Variants in PDE8A observed in about 807,000 individuals in gnomAD.
PDE8A encodes the protein high affinity cAMP-specific and IBMX-insensitive 3',5'-cyclic phosphodiesterase 8A.
Under a neutral mutation model 105.0 loss-of-function variants are expected in PDE8A, and 59 were observed. The observed-to-expected ratio is 0.56, with a 90% confidence interval of 0.46 to 0.70. PDE8A has a LOEUF of 0.70. Among genes scored for constraint, PDE8A ranks in the 30% least tolerant of loss-of-function variants. The probability of loss-of-function intolerance (pLI) is 0.00; values close to 1 mark genes in which losing one functional copy is unlikely to be tolerated. For synonymous variants in PDE8A, 355 were observed against 371.9 expected, an observed-to-expected ratio of 0.95 and a Z score of 0.52; for missense variants, 1,014 against 1,045.9, an observed-to-expected ratio of 0.97 and a Z score of 0.42.
chr15:85,118,452 G>T (rs879794222), intron 17 of PDE8A, among the ~76,000 whole-genome samples: 2 of 152,044 alleles, frequency 1.3e-5, no homozygotes, highest in Non-Finnish European at 2.9e-5. Flanking sequence ...CAATCCTTTC[G>T]CATCTGGGCA....
At chr15:85,113,692 T>TG (rs1347188205) in intron 13 of PDE8A, among the ~76,000 whole-genome samples, 181 bp from the exon 14 acceptor site, 1 of 152,238 alleles carries the variant, frequency 6.6e-6, no homozygotes, top group Non-Finnish European at 1.5e-5. Flanking sequence ...TGCTGTTATT[T>TG]GTTTTTTAGA....
intron 1 of PDE8A, among the ~76,000 whole-genome samples, chr15:85,034,801 T>C (rs559650492): frequency 7.1e-4 from 108 of 152,332 alleles, no homozygotes; most frequent in African/African-American, 2.6e-3. Context: ...ACCTCTCACC[T>C]TGGCTTCCCA....
chr15:85,042,871 A>C (rs1388741133), intron 1 of PDE8A, among the ~76,000 whole-genome samples: 1 of 152,244 alleles, frequency 6.6e-6, no homozygotes, highest in Non-Finnish European at 1.5e-5. Context: ...AAAGGGTCAC[A>C]GTTCAAACCC....
intron 1 of PDE8A, among the ~76,000 whole-genome samples, chr15:84,993,757 G>T (rs1169211811): frequency 1.3e-5 from 2 of 151,988 alleles, no homozygotes; most frequent in Non-Finnish European, 2.9e-5. Flanking sequence ...TGGGCATGGT[G>T]GTGCACACCT....
chr15:85,136,431 C>T, intron 20 of PDE8A, 103 bp from the exon 21 acceptor site: 2 of 1,261,734 alleles, frequency 1.6e-6, no homozygotes, highest in Non-Finnish European at 2.2e-6. Context: ...CCATGACAAG[C>T]CACCTTAGGC....
Position 84,984,017 on chromosome 15 carries a change from C to T in PDE8A, c.186+1669C>T, listed in dbSNP as rs1715301538. Among the ~76,000 whole-genome samples, 3 of 152,302 alleles carry T rather than the reference C, an allele frequency of 2.0e-5. No homozygotes were observed. In the South Asian group the frequency reaches 6.2e-4, roughly 32 times the overall value. On this transcript the variant is annotated intron_variant, in intron 1 of 21. Coordinates refer to ENST00000394553, the MANE Select transcript of PDE8A (RefSeq NM_002605.3). The stretch of plus-strand genomic sequence containing the variant: ...TTGGGGGCTCAGAAAATACTTTCAT[C>T]CTTAAAGTGCCTAACCCAGTGGCAT...
At chr15:84,987,596 C>T (rs967089478) in intron 1 of PDE8A, among the ~76,000 whole-genome samples, 2 of 151,418 alleles carry the variant, frequency 1.3e-5, no homozygotes, top group Non-Finnish European at 2.9e-5. Flanking sequence ...CTTAGCCTCC[C>T]GAGTAGCTGG....
At chr15:84,996,313 G>A (rs2079975216) in intron 1 of PDE8A, among the ~76,000 whole-genome samples, 1 of 151,758 alleles carries the variant, frequency 6.6e-6, no homozygotes, top group African/African-American at 2.4e-5. Context: ...GAGTAGCTGG[G>A]GCTATAGATG....
At position 85,060,816 on chromosome 15, in the gene PDE8A, A is replaced by G. The variant is rs59888609; in HGVS notation, c.187-3554A>G. 6.4e-3 allele frequency among the ~76,000 whole-genome samples: 977 copies of G among 152,350 alleles called. 16 individuals carry two copies. Among genetic ancestry groups the G allele is most frequent in the African/African-American group, 0.022 (931 of 41,578 alleles). ...TTAAATCATGTAGGAAACAAACAAA[A>G]GGAGTTATAAGCCATTTATACAATA... On this transcript the variant is annotated intron_variant, in intron 1 of 21. Coordinates refer to ENST00000394553, the MANE Select transcript of PDE8A (RefSeq NM_002605.3).
At chr15:85,133,600 C>T (rs908388033) in intron 20 of PDE8A, among the ~76,000 whole-genome samples, 2 of 152,088 alleles carry the variant, frequency 1.3e-5, no homozygotes, top group Non-Finnish European at 2.9e-5. Context: ...TTCCAGAGTT[C>T]CTGTAAGGTT....
chr15:84,980,686 G>A (rs561468100), upstream of PDE8A: 1 of 152,550 alleles, frequency 6.6e-6, no homozygotes, highest in South Asian at 2.1e-4. Context: ...CCACCAAGAA[G>A]TTAAGTGACT....
chr15:84,990,184 C>CA (rs1160528844), intron 1 of PDE8A, among the ~76,000 whole-genome samples: 6 of 150,280 alleles, frequency 4.0e-5, no homozygotes, highest in East Asian at 1.9e-4. Flanking sequence ...GACCTCATCT[C>CA]AAAAAAAAAT....
At chr15:85,136,397 C>A (rs979834359) in intron 20 of PDE8A, 137 bp from the exon 21 acceptor site, 1 of 780,006 alleles carries the variant, frequency 1.3e-6, no homozygotes, top group Non-Finnish European at 2.1e-6. Context: ...GGTTTGGCTG[C>A]GTGAGGTGGT....
At chr15:85,122,685 T>C (rs1461209833) in intron 18 of PDE8A, among the ~76,000 whole-genome samples, 1 of 152,216 alleles carries the variant, frequency 6.6e-6, no homozygotes, top group African/African-American at 2.4e-5. Flanking sequence ...TATCAAGTAC[T>C]CCCTATGATT....
intron 3 of PDE8A, among the ~76,000 whole-genome samples, chr15:85,072,776 C>T (rs1471344074): frequency 6.6e-6 from 1 of 152,046 alleles, no homozygotes; most frequent in Non-Finnish European, 1.5e-5. Flanking sequence ...CTTGTGTGGC[C>T]AAAAGGATTC....
intron 5 of PDE8A, among the ~76,000 whole-genome samples, chr15:85,078,377 C>T (rs1259149871): frequency 2.0e-5 from 3 of 151,724 alleles, no homozygotes; most frequent in African/African-American, 7.3e-5. Context: ...GAAACCCTGT[C>T]TTGACTAAAA....
At chr15:85,038,355 AT>A (rs1481277322) in intron 1 of PDE8A, among the ~76,000 whole-genome samples, 11 of 151,916 alleles carry the variant, frequency 7.2e-5, no homozygotes, top group Non-Finnish European at 1.6e-4. Context: ...TTACTTTTTC[AT>A]TCCTTTACAT....
intron 1 of PDE8A, among the ~76,000 whole-genome samples, chr15:85,030,095 C>A (rs1246644693): frequency 6.6e-6 from 1 of 152,182 alleles, no homozygotes; most frequent in African/African-American, 2.4e-5. Flanking sequence ...GCATAATTCT[C>A]ACTTGCATTG....
intron 1 of PDE8A, among the ~76,000 whole-genome samples, chr15:84,999,727 A>G (rs2080037805): frequency 6.6e-6 from 1 of 152,134 alleles, no homozygotes; most frequent in African/African-American, 2.4e-5. Context: ...GGCGGGCACC[A>G]GTACACCCAG....
Sources: allele counts gnomAD v4.1 joint callset (sites outside exome capture counted in the v4.1 genomes callset), GRCh38; gene constraint gnomAD v4.1.1; transcripts MANE v1.5; gene names NCBI Gene and HGNC (gene_info 2026-07-23, HGNC 2026-07-21).